Variants in ZFPM2 observed in about 807,000 individuals in gnomAD.
ZFPM2 encodes zinc finger protein ZFPM2.
A neutral mutation model predicts 98.6 loss-of-function variants in ZFPM2; 20 were observed. The observed-to-expected ratio is 0.20, with a 90% CI of 0.14 to 0.29. The LOEUF (loss-of-function observed/expected upper bound fraction) is 0.29, where lower values mean the gene tolerates loss of function less well. Among genes scored for constraint, ZFPM2 ranks in the 10% least tolerant of loss-of-function variants. The pLI, the probability that ZFPM2 is intolerant of heterozygous loss-of-function variation, is 1.00. For missense variants in ZFPM2, 1,310 were observed against 1,388.6 expected, an observed-to-expected ratio of 0.94 and a Z score of 0.90; for synonymous variants, 518 against 502.7, an observed-to-expected ratio of 1.03 and a Z score of -0.41.
At chr8:105,790,781 T>G (rs1298471644) in intron 6 of ZFPM2, among the ~76,000 whole-genome samples, 1 of 152,204 alleles carries the variant, frequency 6.6e-6, no homozygotes, top group Admixed American at 6.5e-5. Context: ...GAGCAGTGGT[T>G]TGTAGTTCTC....
chr8:105,485,619 A>C (rs578085722), intron 3 of ZFPM2, among the ~76,000 whole-genome samples: 3 of 152,310 alleles, frequency 2.0e-5, no homozygotes, highest in South Asian at 2.1e-4. Flanking sequence ...AAAGATGATG[A>C]GGACTTGAAA....
At chr8:105,764,743 C>T (rs764343151) in intron 5 of ZFPM2, among the ~76,000 whole-genome samples, 4 of 151,458 alleles carry the variant, frequency 2.6e-5, no homozygotes, top group Non-Finnish European at 5.9e-5. Flanking sequence ...TAATTTTATA[C>T]AATTTTGTAA....
intron 3 of ZFPM2, among the ~76,000 whole-genome samples, chr8:105,497,593 C>T (rs571256991): frequency 6.6e-6 from 1 of 151,846 alleles, no homozygotes; most frequent in East Asian, 1.9e-4. Flanking sequence ...TAAGCTGGAC[C>T]CTTTATCTGT....
At chr8:105,500,632 G>A (rs1813572227) in intron 3 of ZFPM2, among the ~76,000 whole-genome samples, 1 of 152,056 alleles carries the variant, frequency 6.6e-6, no homozygotes, top group Non-Finnish European at 1.5e-5. Flanking sequence ...TATTAGCTAA[G>A]TATATTGTAA....
chr8:105,715,373 A>C (rs1811499619), intron 5 of ZFPM2, among the ~76,000 whole-genome samples: 1 of 150,714 alleles, frequency 6.6e-6, no homozygotes, highest in Non-Finnish European at 1.5e-5. Flanking sequence ...ACAATGTACC[A>C]GCAGCCTGGG....
chr8:105,753,327 C>A lies in ZFPM2; in HGVS notation c.533-35391C>A, dbSNP rs572123397. ...GAGACCATATAAACCACACCATAAA[C>A]CTTATACACAAAGCCCACCTATGGA... On this transcript the variant is annotated intron_variant, in intron 5 of 7. Coordinates refer to ENST00000407775, the MANE Select transcript of ZFPM2 (RefSeq NM_012082.4). 7.2e-5 allele frequency among the ~76,000 whole-genome samples: 11 copies of A among 152,158 alleles called. No homozygotes were observed. In the South Asian group the frequency reaches 2.1e-3, roughly 29 times the overall value.
intron 3 of ZFPM2, among the ~76,000 whole-genome samples, chr8:105,489,073 T>G (rs1364987346): frequency 6.6e-6 from 1 of 152,132 alleles, no homozygotes; most frequent in Non-Finnish European, 1.5e-5. Context: ...CATTTGGTTC[T>G]GATGCCATTG....
At chr8:105,521,401 AG>A (rs1314969623) in intron 3 of ZFPM2, among the ~76,000 whole-genome samples, 1 of 129,188 alleles carries the variant, frequency 7.7e-6, no homozygotes, top group African/African-American at 2.5e-5. Flanking sequence ...AAATATATTA[AG>A]GGGGGAGGGG....
intron 4 of ZFPM2, among the ~76,000 whole-genome samples, chr8:105,591,984 C>T (rs550224026): frequency 2.6e-5 from 4 of 152,124 alleles, no homozygotes; most frequent in Non-Finnish European, 4.4e-5. Context: ...CATTTTCATT[C>T]TGTTCTCAAA....
intron 2 of ZFPM2, among the ~76,000 whole-genome samples, chr8:105,440,179 T>C (rs991858167): frequency 1.2e-4 from 19 of 152,312 alleles, no homozygotes; most frequent in African/African-American, 4.1e-4. Context: ...TACAAAGCAA[T>C]GAGATAGAAA....
intron 3 of ZFPM2, among the ~76,000 whole-genome samples, chr8:105,484,617 C>T (rs1813192561): frequency 6.6e-6 from 1 of 152,148 alleles, no homozygotes. Context: ...GAGTACACGT[C>T]CTTAGAATAG....
intron 1 of ZFPM2, among the ~76,000 whole-genome samples, chr8:105,335,082 T>C (rs1812303953): frequency 6.6e-6 from 1 of 151,780 alleles, no homozygotes; most frequent in African/African-American, 2.4e-5. Context: ...ATTAAATATG[T>C]TGAATTTTTG....
intron 5 of ZFPM2, among the ~76,000 whole-genome samples, chr8:105,657,684 G>A (rs954780084): frequency 1.3e-5 from 2 of 152,136 alleles, no homozygotes; most frequent in African/African-American, 4.8e-5. Flanking sequence ...TCTCCTTGTA[G>A]CTACTTCACA....
intron 3 of ZFPM2, among the ~76,000 whole-genome samples, chr8:105,500,141 T>G (rs1455547205): frequency 6.6e-6 from 1 of 152,206 alleles, no homozygotes; most frequent in East Asian, 1.9e-4. Context: ...TAAAAACTTC[T>G]GTTATACTGT....
Position 105,745,964 on chromosome 8 carries a change from T to G in ZFPM2, c.533-42754T>G, listed in dbSNP as rs1219539800. Among the ~76,000 whole-genome samples, 3 of 152,032 alleles carry G rather than the reference T, an allele frequency of 2.0e-5. 1 individual carries two copies. The highest frequency in any genetic ancestry group is 4.1e-4 in the South Asian group (2 of 4,824). On this transcript the variant is annotated intron_variant, in intron 5 of 7. Coordinates refer to ENST00000407775, the MANE Select transcript of ZFPM2 (RefSeq NM_012082.4). Reference sequence around the variant, plus strand: ...TTTGTTGTTGTTGTAGAGACAGTGTTGTTCACCATGTTGCCAAGGCTGGTC... The same window carrying G: ...TTTGTTGTTGTTGTAGAGACAGTGTGGTTCACCATGTTGCCAAGGCTGGTC...
chr8:105,801,243 T>C lies in ZFPM2; in HGVS notation c.1161T>C (p.Pro387=), dbSNP rs1295146665. 3.1e-6 allele frequency: 5 copies of C among 1,613,790 alleles called. No individual in the cohort carries two copies. The highest frequency in any genetic ancestry group is 4.2e-6 in the Non-Finnish European group (5 of 1,179,872). ...ELLQHQELHV[P]SGKLPRESDM... ...TGCAGCACCAGGAGCTCCATGTCCCTAGCGGCAAACTTCCCAGAGAAAGTG... is the reference window on the plus strand; with the variant it reads ...TGCAGCACCAGGAGCTCCATGTCCCCAGCGGCAAACTTCCCAGAGAAAGTG... Residue 387 remains proline (P), a synonymous_variant, in exon 8 of 8, where the codon CCT becomes CCC. Coordinates refer to ENST00000407775, the MANE Select transcript of ZFPM2 (RefSeq NM_012082.4).
At chr8:105,444,462 A>C in intron 3 of ZFPM2, 81 bp downstream of exon 3, 1 of 1,029,162 alleles carries the variant, frequency 9.7e-7, no homozygotes, top group Non-Finnish European at 1.4e-6. Flanking sequence ...AACATCAGTT[A>C]GCTTGCAAAA....
At chr8:105,783,122 C>T (rs1334019871) in intron 5 of ZFPM2, among the ~76,000 whole-genome samples, 2 of 151,230 alleles carry the variant, frequency 1.3e-5, no homozygotes, top group African/African-American at 2.4e-5. Flanking sequence ...CTTCATTTCA[C>T]TAGGTACTTG....
chr8:105,708,855 C>A (rs1811319974), intron 5 of ZFPM2, among the ~76,000 whole-genome samples: 1 of 152,076 alleles, frequency 6.6e-6, no homozygotes, highest in Admixed American at 6.5e-5. Context: ...AAAGTACTTC[C>A]TGTGTTATAA....
Sources: gnomAD v4.1 joint callset for allele counts (sites outside exome capture counted in the v4.1 genomes callset) on GRCh38, gnomAD v4.1.1 for gene constraint, MANE v1.5 for transcripts, NCBI Gene and HGNC (gene_info 2026-07-23, HGNC 2026-07-21) for gene names.